Variants in RPS6KA2 observed in about 807,000 individuals in gnomAD.
RPS6KA2 encodes the protein ribosomal protein S6 kinase alpha-2.
Under a neutral mutation model 91.8 loss-of-function variants are expected in RPS6KA2, and 42 were observed. The ratio of observed to expected loss-of-function variants is 0.46; its 90% CI spans 0.36 to 0.59. RPS6KA2 has a LOEUF of 0.59. Ranked by LOEUF, RPS6KA2 falls within the 20% of genes least tolerant of loss-of-function variation. The pLI is 0.00. For synonymous variants in RPS6KA2, 414 were observed against 393.6 expected (o/e 1.05, Z -0.61); for missense variants, 798 against 978.5 (o/e 0.82, Z 2.46).
chr6:166,848,911 T>C (rs1014396957), intron 2 of RPS6KA2, among the ~76,000 whole-genome samples: 1 of 151,744 alleles, frequency 6.6e-6, no homozygotes, highest in Non-Finnish European at 1.5e-5. Flanking sequence ...AAATAAAAAA[T>C]TAATTTTTAA....
intron 2 of RPS6KA2, among the ~76,000 whole-genome samples, chr6:166,735,635 A>G (rs1020905396): frequency 2.0e-5 from 3 of 151,876 alleles, no homozygotes; most frequent in Non-Finnish European, 4.4e-5. Flanking sequence ...GATTCTCAGG[A>G]GCATGCAACC....
intron 1 of RPS6KA2, among the ~76,000 whole-genome samples, chr6:166,570,536 A>C (rs1300166926): frequency 6.6e-6 from 1 of 152,274 alleles, no homozygotes; most frequent in Non-Finnish European, 1.5e-5. Context: ...CAAATGAAGT[A>C]AGCACAGAAA....
chr6:166,645,044 A>G (rs998354919), intron 2 of RPS6KA2, among the ~76,000 whole-genome samples: 5 of 152,144 alleles, frequency 3.3e-5, no homozygotes, highest in African/African-American at 1.2e-4. Context: ...CCCACCCCTG[A>G]TTTTGGAGTT....
chr6:166,459,651 T>C lies in RPS6KA2; in HGVS notation c.973-100A>G. The C allele has an allele frequency of 1.3e-6, 1 of 774,854 alleles. No homozygotes were observed. The highest frequency in any genetic ancestry group is 2.2e-6 in the Non-Finnish European group (1 of 459,822). The allele number at this position is 774,854 out of a possible 1,614,324, so 48.0% of individuals were successfully genotyped here. A position where few individuals can be genotyped will look rare whatever the true frequency, so the allele number is the denominator to read the frequency against. ...ACCTGCTGTGGGGAGGGAAGGATGT[T>C]CTTATCACAGACTGCATTGGCCTTG... On this transcript the variant is annotated intron_variant, in intron 11 of 20. Transcript: ENST00000265678. The surrounding 1 kb of genome is among the most constrained non-coding windows in gnomAD (Gnocchi z 4.9).
At chr6:166,564,665 G>A (rs1397224883) in intron 1 of RPS6KA2, among the ~76,000 whole-genome samples, 1 of 152,146 alleles carries the variant, frequency 6.6e-6, no homozygotes, top group Non-Finnish European at 1.5e-5. Context: ...TCTGTTGTAG[G>A]AGCTCTCATT....
intron 1 of RPS6KA2, among the ~76,000 whole-genome samples, chr6:166,621,747 C>T (rs1261851137): frequency 6.6e-6 from 1 of 152,188 alleles, no homozygotes; most frequent in African/African-American, 2.4e-5. Flanking sequence ...TAAACTCATC[C>T]TGGTCCCCCA....
intron 1 of RPS6KA2, among the ~76,000 whole-genome samples, chr6:166,579,711 A>C (rs909678502): frequency 6.6e-6 from 1 of 152,238 alleles, no homozygotes; most frequent in African/African-American, 2.4e-5. Context: ...TGGCAGAAGA[A>C]GACCAGTGTT....
In RPS6KA2 at chr6:166,552,711, C is replaced by T. The variant is rs531778634; in HGVS notation, c.100-13927G>A. On this transcript the variant is annotated intron_variant, in intron 1 of 20. Coordinates refer to ENST00000265678, the MANE Select transcript of RPS6KA2 (RefSeq NM_021135.6). ...TCACAGTCACATGCCAAAAAGTCCACTATTTATTTTAGAAAAAAGGATTTG... is the reference window on the plus strand; with the variant it reads ...TCACAGTCACATGCCAAAAAGTCCATTATTTATTTTAGAAAAAAGGATTTG... Among the ~76,000 whole-genome samples, 5 of 152,216 alleles carry T rather than the reference C, an allele frequency of 3.3e-5. No individual in the cohort carries two copies. The South Asian group carries it at 8.3e-4, about 25-fold the overall frequency.
intron 3 of RPS6KA2, among the ~76,000 whole-genome samples, chr6:166,527,147 G>A (rs3799651): frequency 0.2 from 29,726 of 152,040 alleles, 3,072 homozygotes; most frequent in African/African-American, 0.26. Flanking sequence ...ACTTAAACAG[G>A]GTGCAGCTTC....
At chr6:166,830,626 C>T (rs575968770) in intron 2 of RPS6KA2, among the ~76,000 whole-genome samples, 5 of 152,096 alleles carry the variant, frequency 3.3e-5, no homozygotes, top group Admixed American at 6.5e-5. Flanking sequence ...CAATTTCCTA[C>T]GAGGCAAGGG....
chr6:166,711,532 G>C (rs1789852375), intron 2 of RPS6KA2, among the ~76,000 whole-genome samples: 1 of 151,516 alleles, frequency 6.6e-6, no homozygotes. Flanking sequence ...TGGAGAAACA[G>C]AGCCTCAGCT....
At chr6:166,502,586 G>A (rs1782063886) in intron 6 of RPS6KA2, among the ~76,000 whole-genome samples, 1 of 152,230 alleles carries the variant, frequency 6.6e-6, no homozygotes, top group South Asian at 2.1e-4. Flanking sequence ...GGCCGCACGA[G>A]GAGGAGGAGT....
In RPS6KA2 at chr6:166,533,585, G is replaced by C. The variant is rs1583250122; in HGVS notation, c.217-2272C>G. Among the ~76,000 whole-genome samples, 1 of 152,204 alleles carries C rather than the reference G, an allele frequency of 6.6e-6. No individual in the cohort carries two copies. The highest frequency in any genetic ancestry group is 1.5e-5 in the Non-Finnish European group (1 of 68,038). On this transcript the variant is annotated intron_variant, in intron 2 of 20. Transcript: ENST00000265678. The surrounding 1 kb of genome is among the most constrained non-coding windows in gnomAD (Gnocchi z 4.0). ...TGAAGAGCAGGTGCAAAACGTTCCA[G>C]CTGCCACTCCCTGCTGTGGCAACTG...
intron 1 of RPS6KA2, among the ~76,000 whole-genome samples, chr6:166,567,759 G>A (rs908333389): frequency 4.6e-5 from 7 of 152,206 alleles, no homozygotes; most frequent in African/African-American, 1.7e-4. Flanking sequence ...CCTGTTCGGA[G>A]GAAACCCATG....
intron 1 of RPS6KA2, among the ~76,000 whole-genome samples, chr6:166,573,487 A>G (rs904725195): frequency 1.6e-4 from 24 of 152,362 alleles, no homozygotes; most frequent in African/African-American, 5.0e-4. Context: ...AGTACAGATC[A>G]ACAGCAAACC....
chr6:166,720,106 T>A (rs578121488), intron 2 of RPS6KA2, among the ~76,000 whole-genome samples: 1 of 152,376 alleles, frequency 6.6e-6, no homozygotes, highest in East Asian at 1.9e-4. Context: ...GGATTCCTCA[T>A]TGAAATAATT....
At chr6:166,549,669 T>C (rs1246821702) in intron 1 of RPS6KA2, among the ~76,000 whole-genome samples, 1 of 152,062 alleles carries the variant, frequency 6.6e-6, no homozygotes, top group Non-Finnish European at 1.5e-5. Flanking sequence ...GGTGTGTGTG[T>C]CCATAAAAGG....
rs933783560 is a variant in RPS6KA2, at chr6:166,829,041, A to C, written c.123+29159T>G. 2.6e-5 allele frequency among the ~76,000 whole-genome samples: 4 copies of C among 152,360 alleles called. No individual in the cohort carries two copies. In the Middle Eastern group the frequency reaches 0.01, roughly 389 times the overall value. On this transcript the variant is annotated intron_variant, in intron 2 of 21. Transcript: ENST00000503859. ...AAAATAGCAAACGACTTGAACAAACATTTCTCCACAGAAGACTACAGGTGA... is the reference window on the plus strand; with the variant it reads ...AAAATAGCAAACGACTTGAACAAACCTTTCTCCACAGAAGACTACAGGTGA...
rs997098529 is a variant in RPS6KA2 at position 166,612,450 on chromosome 6, G to T, written c.99+14471C>A. Among the ~76,000 whole-genome samples the T allele has an allele frequency of 1.4e-4, 21 of 152,148 alleles. No homozygotes were observed. Among genetic ancestry groups the T allele is most frequent in the African/African-American group, 4.6e-4 (19 of 41,436 alleles). On this transcript the variant is annotated intron_variant, in intron 1 of 20. Coordinates refer to ENST00000265678, the MANE Select transcript of RPS6KA2 (RefSeq NM_021135.6). The surrounding 1 kb of genome is among the most constrained non-coding windows in gnomAD (Gnocchi z 4.3). ...GTCACCTGGCAAAGCTATAACACAC[G>T]GTGGCTCCTGCAGACCCCTGGCTCC...
Sources: gnomAD v4.1 joint callset for allele counts (sites outside exome capture counted in the v4.1 genomes callset) on GRCh38, gnomAD v4.1.1 for gene constraint, Gnocchi (gnomAD v3.1) non-coding constraint, MANE v1.5 for transcripts, NCBI Gene and HGNC (gene_info 2026-07-23, HGNC 2026-07-21) for gene names.